CHODL: variants seen among roughly 807,000 people sequenced by gnomAD.
CHODL encodes the protein chondrolectin.
A neutral mutation model predicts 34.5 loss-of-function variants in CHODL; 29 were observed. The observed-to-expected ratio is 0.84, with a 90% confidence interval of 0.63 to 1.15. The LOEUF (loss-of-function observed/expected upper bound fraction) is 1.15, where lower values mean the gene tolerates loss of function less well. Ranked by LOEUF, CHODL falls within the 50% of genes most tolerant of loss-of-function variation. CHODL has a pLI of 0.00. For missense variants in CHODL, 332 were observed against 332.5 expected (o/e 1.00, Z 0.01); for synonymous variants, 125 against 116.1 (o/e 1.08, Z -0.49).
chr21:18,062,014 G>A (rs1269009488), intron 2 of CHODL, among the ~76,000 whole-genome samples: 1 of 152,172 alleles, frequency 6.6e-6, no homozygotes, highest in African/African-American at 2.4e-5. Flanking sequence ...GTAAGGCCTG[G>A]ATTAAATCTG....
intron 1 of CHODL, among the ~76,000 whole-genome samples, chr21:17,981,313 A>G (rs887355604): frequency 6.6e-6 from 1 of 152,236 alleles, no homozygotes; most frequent in African/African-American, 2.4e-5. Context: ...ACAGGTATTT[A>G]ATCCTTATGA....
chr21:18,199,879 T>C (rs995590050), intron 2 of CHODL, among the ~76,000 whole-genome samples: 1 of 152,194 alleles, frequency 6.6e-6, no homozygotes, highest in Non-Finnish European at 1.5e-5. Context: ...TGTTTCCAGA[T>C]TGGGGCAGTC....
chr21:18,094,002 A>G (rs945397727), intron 2 of CHODL, among the ~76,000 whole-genome samples: 40 of 152,218 alleles, frequency 2.6e-4, no homozygotes, highest in African/African-American at 8.9e-4. Flanking sequence ...AAAGATACAC[A>G]TAGACTGAAA....
intron 1 of CHODL, among the ~76,000 whole-genome samples, chr21:17,985,880 A>G (rs1378278806): frequency 6.6e-6 from 1 of 152,168 alleles, no homozygotes; most frequent in Non-Finnish European, 1.5e-5. Flanking sequence ...TCCAAGATCA[A>G]GGTACCAGCA....
At chr21:18,022,173 A>G (rs2064134152) in intron 1 of CHODL, among the ~76,000 whole-genome samples, 1 of 152,180 alleles carries the variant, frequency 6.6e-6, no homozygotes, top group Non-Finnish European at 1.5e-5. Context: ...TTTACAGGCT[A>G]GAATCTAAAA....
At chr21:18,035,594 T>C (rs2064299792) in intron 2 of CHODL, among the ~76,000 whole-genome samples, 1 of 152,038 alleles carries the variant, frequency 6.6e-6, no homozygotes, top group Admixed American at 6.6e-5. Flanking sequence ...TATACTAGTC[T>C]ACTTGAAGTT....
At chr21:18,094,064 T>A (rs1232429610) in intron 2 of CHODL, among the ~76,000 whole-genome samples, 1 of 151,974 alleles carries the variant, frequency 6.6e-6, no homozygotes, top group East Asian at 1.9e-4. Context: ...AAAAAAGCAA[T>A]AGTGTTATAC....
At chr21:18,158,491 T>G (rs1225617575) in intron 2 of CHODL, among the ~76,000 whole-genome samples, 1 of 152,188 alleles carries the variant, frequency 6.6e-6, no homozygotes, top group East Asian at 1.9e-4. Context: ...CATTTTCTAT[T>G]CATTTTACCT....
intron 2 of CHODL, among the ~76,000 whole-genome samples, chr21:18,170,161 C>G (rs1348292121): frequency 2.6e-5 from 4 of 151,926 alleles, no homozygotes; most frequent in Admixed American, 2.0e-4. Flanking sequence ...GGAACGACTC[C>G]TTTACTGTCA....
intron 2 of CHODL, among the ~76,000 whole-genome samples, chr21:18,228,730 C>T (rs1888408): frequency 0.14 from 21,859 of 152,084 alleles, 1,924 homozygotes; most frequent in African/African-American, 0.24. Flanking sequence ...ATTTTCTCTT[C>T]TTAGTTTTGA....
chr21:18,114,237 GTGATTA>G (rs1465600832), intron 2 of CHODL, among the ~76,000 whole-genome samples: 1 of 152,058 alleles, frequency 6.6e-6, no homozygotes, highest in Non-Finnish European at 1.5e-5. Context: ...GCACAGTAGG[GTGATTA>G]TCATCAATGA....
intron 1 of CHODL, among the ~76,000 whole-genome samples, chr21:18,245,662 G>T (rs1304004187): frequency 3.3e-5 from 5 of 152,096 alleles, no homozygotes; most frequent in African/African-American, 1.2e-4. Context: ...GAGGCAGAGG[G>T]AACCCAGAGA....
chr21:17,930,153 G>A (rs1208032574), intron 1 of CHODL, among the ~76,000 whole-genome samples: 1 of 152,132 alleles, frequency 6.6e-6, no homozygotes, highest in East Asian at 1.9e-4. Context: ...CACCTCAGTG[G>A]TGGATACCAC....
At chr21:18,031,524 T>C (rs1322100347) in intron 2 of CHODL, among the ~76,000 whole-genome samples, 1 of 152,022 alleles carries the variant, frequency 6.6e-6, no homozygotes, top group Non-Finnish European at 1.5e-5. Context: ...GCCAAAATTA[T>C]GAAAAATAGA....
At chr21:18,173,968 T>A (rs1359377843) in intron 2 of CHODL, among the ~76,000 whole-genome samples, 1 of 150,798 alleles carries the variant, frequency 6.6e-6, no homozygotes, top group African/African-American at 2.4e-5. Context: ...TTATCCCTGA[T>A]AAAAATTTTA....
chr21:18,002,336 C>T (rs753062311), intron 1 of CHODL, among the ~76,000 whole-genome samples: 7 of 152,150 alleles, frequency 4.6e-5, no homozygotes, highest in Non-Finnish European at 7.4e-5. Context: ...AGATAGAATC[C>T]CAGTCTTAAA....
intron 2 of CHODL, among the ~76,000 whole-genome samples, chr21:18,097,205 C>T (rs1170076137): frequency 2.0e-5 from 3 of 152,018 alleles, no homozygotes; most frequent in East Asian, 3.8e-4. Flanking sequence ...TAAGACAGTA[C>T]TGGAAGTCTT....
chr21:17,951,908 A>G (rs1412055444), intron 1 of CHODL, among the ~76,000 whole-genome samples: 2 of 152,208 alleles, frequency 1.3e-5, no homozygotes, highest in Non-Finnish European at 2.9e-5. Context: ...AGAGAATAAT[A>G]TTTAAAGAGA....
intron 1 of CHODL, among the ~76,000 whole-genome samples, chr21:18,017,206 G>T (rs1439254945): frequency 6.6e-6 from 1 of 152,156 alleles, no homozygotes; most frequent in Non-Finnish European, 1.5e-5. Flanking sequence ...GGGGGCAGGG[G>T]TGGAGTGATA....
Sources: gnomAD v4.1 joint callset for allele counts (sites outside exome capture counted in the v4.1 genomes callset) on GRCh38, gnomAD v4.1.1 for gene constraint, MANE v1.5 for transcripts, NCBI Gene and HGNC (gene_info 2026-07-23, HGNC 2026-07-21) for gene names.